Variants in ST8SIA6 observed in about 807,000 individuals in gnomAD.
ST8SIA6 encodes the protein ST8 alpha-N-acetyl-neuraminide alpha-2,8-sialyltransferase 6, also known as alpha-2,8-sialyltransferase 8F.
ST8SIA6 carries 39 observed loss-of-function variants against 33.6 expected under a neutral mutation model. That is an observed-to-expected ratio of 1.16 (90% confidence interval 0.90 to 1.52). ST8SIA6 has a LOEUF of 1.52. Among genes scored for constraint, ST8SIA6 ranks in the 40% most tolerant of loss-of-function variants. ST8SIA6 has a pLI of 0.00. For missense variants in ST8SIA6, 441 were observed against 443.8 expected, an observed-to-expected ratio of 0.99 and a Z score of 0.06; for synonymous variants, 172 against 167.2, an observed-to-expected ratio of 1.03 and a Z score of -0.22.
In ST8SIA6 at chr10:17,454,026, G is replaced by A; in HGVS notation, c.101+129C>T. 3.9e-6 allele frequency: 1 copy of A among 255,562 alleles called. No individual in the cohort carries two copies. Among genetic ancestry groups the A allele is most frequent in the Non-Finnish European group, 7.3e-6 (1 of 136,448 alleles). The allele number at this position is 255,562 out of a possible 1,614,324, so 15.8% of individuals were successfully genotyped here. ...CCCACTCCACTCTCAGGCCGTCGCC[G>A]CCCGTGGGCTGCTCCCCGCCGCGGC... On this transcript the variant is annotated intron_variant, in intron 1 of 7. Transcript: ENST00000377602. The surrounding 1 kb of genome is among the most constrained non-coding windows in gnomAD (Gnocchi z 4.1).
intron 5 of ST8SIA6, among the ~76,000 whole-genome samples, chr10:17,328,446 T>G (rs1301922173): frequency 6.6e-6 from 1 of 152,188 alleles, no homozygotes; most frequent in Non-Finnish European, 1.5e-5. Context: ...ACTTTTCAAT[T>G]CAATGGTGCG....
chr10:17,452,549 T>C (rs1353798860), intron 2 of ST8SIA6, among the ~76,000 whole-genome samples: 1 of 152,196 alleles, frequency 6.6e-6, no homozygotes, highest in East Asian at 1.9e-4. Flanking sequence ...ACTTAGAATC[T>C]AAAGAGTACA....
At chr10:17,429,991 C>T (rs1240271246) in intron 2 of ST8SIA6, among the ~76,000 whole-genome samples, 1 of 151,854 alleles carries the variant, frequency 6.6e-6, no homozygotes, top group African/African-American at 2.4e-5. Flanking sequence ...TTTAGTGCAC[C>T]CATCGCCGGA....
rs372717595 is a variant in ST8SIA6, at chr10:17,414,756, T to C, written c.201-24136A>G. Among the ~76,000 whole-genome samples, 52 of 152,292 alleles carry C rather than the reference T, an allele frequency of 3.4e-4. 1 individual carries two copies. The East Asian group carries it at 5.4e-3, about 16-fold the overall frequency. ...CAGCCCTATCAAATTAAGGGGTAGCTCTATGACCTCATTTAAATAGAATTA... is the reference window on the plus strand; with the variant it reads ...CAGCCCTATCAAATTAAGGGGTAGCCCTATGACCTCATTTAAATAGAATTA... On this transcript the variant is annotated intron_variant, in intron 2 of 7. Transcript: ENST00000377602.
intron 2 of ST8SIA6, among the ~76,000 whole-genome samples, chr10:17,398,789 G>A (rs535705581): frequency 5.3e-5 from 8 of 152,264 alleles, no homozygotes; most frequent in Middle Eastern, 6.8e-3. Flanking sequence ...TGAGGAGCCA[G>A]GAGAGCACCC....
intron 4 of ST8SIA6, among the ~76,000 whole-genome samples, chr10:17,346,707 T>C (rs1412956388): frequency 6.6e-6 from 1 of 152,164 alleles, no homozygotes; most frequent in Non-Finnish European, 1.5e-5. Flanking sequence ...GGCAGTTTAT[T>C]ATGCAGCAAT....
rs561062051 is a variant in ST8SIA6, at chr10:17,445,760, G to A, written c.200+7799C>T. Among the ~76,000 whole-genome samples, 9 of 152,306 alleles carry A rather than the reference G, an allele frequency of 5.9e-5. No individual in the cohort carries two copies. The South Asian group carries it at 8.3e-4, about 14-fold the overall frequency. On this transcript the variant is annotated intron_variant, in intron 2 of 7. Transcript: ENST00000377602. ...CAACACTGAAAGAATGAAAGGAAACGGGAAAGGGAGTGAATTGGCCTTTGC... is the reference window on the plus strand; with the variant it reads ...CAACACTGAAAGAATGAAAGGAAACAGGAAAGGGAGTGAATTGGCCTTTGC...
chr10:17,374,752 A>AAATAT (rs1849849506), intron 3 of ST8SIA6, among the ~76,000 whole-genome samples: 2 of 123,304 alleles, frequency 1.6e-5, no homozygotes, highest in African/African-American at 6.2e-5. Context: ...ATAAATAATA[A>AAATAT]ATATATATAT....
chr10:17,358,651 AT>A (rs941644934), intron 4 of ST8SIA6, among the ~76,000 whole-genome samples: 4 of 125,044 alleles, frequency 3.2e-5, no homozygotes, highest in African/African-American at 8.9e-5. Context: ...AAGAAAAAGA[AT>A]AAGGAGGAGG....
Position 17,350,776 on chromosome 10 carries a change from C to T in ST8SIA6, c.377+8738G>A, listed in dbSNP as rs144171151. ...AGCTGTCTGTAGTCTGTGTGATCAT[C>T]AGGCTGACATCACACTGACAGGTAA... On this transcript the variant is annotated intron_variant, in intron 4 of 7. Coordinates refer to ENST00000377602, the MANE Select transcript of ST8SIA6 (RefSeq NM_001004470.3). Among the ~76,000 whole-genome samples the T allele has an allele frequency of 2.5e-3, 385 of 152,174 alleles. 2 individuals are homozygous for T. Among genetic ancestry groups the T allele is most frequent in the African/African-American group, 8.9e-3 (371 of 41,508 alleles).
intron 4 of ST8SIA6, among the ~76,000 whole-genome samples, chr10:17,348,261 G>C (rs973729483): frequency 6.8e-6 from 1 of 146,696 alleles, no homozygotes; most frequent in African/African-American, 2.5e-5. Flanking sequence ...AACATATTGA[G>C]AGCCTGAATT....
chr10:17,417,687 C>T (rs1040330456), intron 2 of ST8SIA6, among the ~76,000 whole-genome samples: 3 of 152,132 alleles, frequency 2.0e-5, no homozygotes, highest in Non-Finnish European at 4.4e-5. Context: ...CACCCAGCTC[C>T]AGGCTGCCAA....
chr10:17,394,772 G>C (rs1342093139), intron 2 of ST8SIA6, among the ~76,000 whole-genome samples: 1 of 152,202 alleles, frequency 6.6e-6, no homozygotes, highest in Non-Finnish European at 1.5e-5. Flanking sequence ...CACACCACAA[G>C]TGAAGACGTT....
At chr10:17,337,076 CT>C (rs1220535389) in intron 4 of ST8SIA6, among the ~76,000 whole-genome samples, 4 of 152,104 alleles carry the variant, frequency 2.6e-5, no homozygotes, top group African/African-American at 9.7e-5. Flanking sequence ...GGATTTCCCC[CT>C]AGCTGTTCTC....
intron 2 of ST8SIA6, among the ~76,000 whole-genome samples, chr10:17,441,862 T>A (rs1852506059): frequency 1.3e-5 from 2 of 151,756 alleles, no homozygotes; most frequent in South Asian, 4.2e-4. Context: ...GTAAAGACGA[T>A]ATAAAACAAT....
At chr10:17,386,135 C>T (rs1850333905) in intron 3 of ST8SIA6, among the ~76,000 whole-genome samples, 1 of 151,850 alleles carries the variant, frequency 6.6e-6, no homozygotes, top group Admixed American at 6.6e-5. Flanking sequence ...GAGCTGTGTT[C>T]GTGCCACTGC....
At chr10:17,379,788 G>A (rs1427326037) in intron 3 of ST8SIA6, among the ~76,000 whole-genome samples, 1 of 152,146 alleles carries the variant, frequency 6.6e-6, no homozygotes, top group African/African-American at 2.4e-5. Context: ...GTGTCATCAG[G>A]ATGTCCTGAG....
intron 2 of ST8SIA6, among the ~76,000 whole-genome samples, chr10:17,400,020 A>T (rs1039237984): frequency 6.6e-6 from 1 of 152,104 alleles, no homozygotes; most frequent in Admixed American, 6.5e-5. Flanking sequence ...AGTTCAAAGG[A>T]GAATGCAGAG....
chr10:17,372,975 A>G (rs1849783243), intron 3 of ST8SIA6, among the ~76,000 whole-genome samples: 1 of 152,174 alleles, frequency 6.6e-6, no homozygotes, highest in South Asian at 2.1e-4. Flanking sequence ...TGAACTATGA[A>G]GGATCACAAG....
Sources: gnomAD v4.1 joint callset for allele counts (sites outside exome capture counted in the v4.1 genomes callset) on GRCh38, gnomAD v4.1.1 for gene constraint, Gnocchi (gnomAD v3.1) non-coding constraint, MANE v1.5 for transcripts, NCBI Gene and HGNC (gene_info 2026-07-23, HGNC 2026-07-21) for gene names.